The following IMPA2 variants were observed in gnomAD, a reference collection of about 807,000 sequenced individuals.
IMPA2 encodes the protein inositol monophosphatase 2.
IMPA2 carries 32 observed loss-of-function variants against 35.1 expected under a neutral mutation model. The observed-to-expected ratio is 0.91, with a 90% CI of 0.69 to 1.23. IMPA2 has a LOEUF of 1.23. Among genes scored for constraint, IMPA2 ranks in the 50% most tolerant of loss-of-function variants. IMPA2 has a pLI of 0.00. For missense variants in IMPA2, 334 were observed against 387.6 expected (o/e 0.86, Z 1.16); for synonymous variants, 135 against 160.6 (o/e 0.84, Z 1.20).
chr18:12,007,620 T>C (rs1048504719), intron 2 of IMPA2, among the ~76,000 whole-genome samples: 4 of 112,506 alleles, frequency 3.6e-5, no homozygotes, highest in African/African-American at 1.5e-4. Flanking sequence ...CTTTCTTTCT[T>C]TTTCTTTCTT....
intron 1 of IMPA2, among the ~76,000 whole-genome samples, chr18:11,985,145 CTCAAAAAAA>C (rs1225710914): frequency 1.3e-5 from 1 of 80,000 alleles, no homozygotes; most frequent in Non-Finnish European, 2.0e-5. Flanking sequence ...GAAACTCTGT[CTCAAAAAAA>C]AAAAAAAAAA....
In IMPA2 at chr18:11,984,524, A is replaced by G. The variant is rs150746486; in HGVS notation, c.96+2759A>G. Among the ~76,000 whole-genome samples the G allele has an allele frequency of 1.8e-3, 274 of 152,324 alleles. 1 individual carries two copies. Among genetic ancestry groups the G allele is most frequent in the African/African-American group, 5.6e-3 (233 of 41,566 alleles). Reference sequence around the variant, plus strand: ...TTCTGTTGGGCCAGAAACTTAGACAATTTAGGGGGCCCTCTTTAAGAAAAT... The same window carrying G: ...TTCTGTTGGGCCAGAAACTTAGACAGTTTAGGGGGCCCTCTTTAAGAAAAT... On this transcript the variant is annotated intron_variant, in intron 1 of 7. Transcript: ENST00000269159.
intron 5 of IMPA2, among the ~76,000 whole-genome samples, chr18:12,024,054 C>T (rs1907808534): frequency 6.6e-6 from 1 of 152,064 alleles, no homozygotes; most frequent in African/African-American, 2.4e-5. Flanking sequence ...GTTTATGAAG[C>T]ATTGTTTACA....
intron 1 of IMPA2, among the ~76,000 whole-genome samples, chr18:11,986,764 A>G (rs1906678383): frequency 6.6e-6 from 1 of 152,196 alleles, no homozygotes; most frequent in South Asian, 2.1e-4. Flanking sequence ...AGTTACACCC[A>G]TTTCTAAGTA....
intron 1 of IMPA2, among the ~76,000 whole-genome samples, chr18:11,995,203 G>A (rs1906926488): frequency 6.6e-6 from 1 of 152,222 alleles, no homozygotes; most frequent in South Asian, 2.1e-4. Context: ...AAGTCATCCA[G>A]GGATCCAGCT....
At chr18:12,015,553 T>C (rs988065907) in intron 5 of IMPA2, among the ~76,000 whole-genome samples, 2 of 151,806 alleles carry the variant, frequency 1.3e-5, no homozygotes, top group Non-Finnish European at 2.9e-5. Context: ...AAGGGCAAGA[T>C]TGTGCAAAGG....
intron 7 of IMPA2, 27 bp downstream of exon 7, chr18:12,029,020 G>C: frequency 6.2e-7 from 1 of 1,606,810 alleles, no homozygotes; most frequent in East Asian, 2.2e-5. Context: ...CTGAAATGCA[G>C]CGGCAGAAAC....
chr18:11,986,800 G>A (rs1367027347), intron 1 of IMPA2, among the ~76,000 whole-genome samples: 2 of 152,152 alleles, frequency 1.3e-5, no homozygotes, highest in African/African-American at 4.8e-5. Context: ...GCTTTCTTGA[G>A]TTGTTCATTG....
At chr18:12,020,205 TTG>T (rs1247740855) in intron 5 of IMPA2, among the ~76,000 whole-genome samples, 1 of 152,156 alleles carries the variant, frequency 6.6e-6, no homozygotes, top group East Asian at 1.9e-4. Context: ...GATTGATTGA[TTG>T]ATTGAAATGG....
intron 5 of IMPA2, among the ~76,000 whole-genome samples, chr18:12,020,583 T>G (rs1403515143): frequency 1.3e-5 from 2 of 152,214 alleles, no homozygotes; most frequent in Non-Finnish European, 2.9e-5. Context: ...TTTTGTCTTC[T>G]GGGACTTGAA....
chr18:12,018,881 A>G (rs969266363), intron 5 of IMPA2, among the ~76,000 whole-genome samples: 1 of 152,062 alleles, frequency 6.6e-6, no homozygotes, highest in African/African-American at 2.4e-5. Context: ...CTGGAGTGCA[A>G]TGGTGTGATC....
chr18:11,988,712 G>A (rs1906731443), intron 1 of IMPA2, among the ~76,000 whole-genome samples: 1 of 152,224 alleles, frequency 6.6e-6, no homozygotes, highest in African/African-American at 2.4e-5. Flanking sequence ...GTTTAGGCCT[G>A]AAAAGCTGGT....
At chr18:12,003,465 A>G (rs9956089) in intron 2 of IMPA2, among the ~76,000 whole-genome samples, 64,399 of 151,844 alleles carry the variant, frequency 0.42, 15,959 homozygotes, top group African/African-American at 0.67. Context: ...GGCCAATATG[A>G]TGAAACCCCG....
chr18:12,013,876 A>T (rs961619842), intron 4 of IMPA2, among the ~76,000 whole-genome samples: 1 of 152,144 alleles, frequency 6.6e-6, no homozygotes, highest in Non-Finnish European at 1.5e-5. Flanking sequence ...CACATCAGCA[A>T]TTTTGAGGAT....
intron 2 of IMPA2, among the ~76,000 whole-genome samples, chr18:12,009,238 T>G (rs1907364034): frequency 6.6e-6 from 1 of 151,970 alleles, no homozygotes; most frequent in African/African-American, 2.4e-5. Flanking sequence ...ATGATACCAC[T>G]GCACTCCAGC....
In IMPA2 at chr18:12,010,325, A is replaced by C. The variant is rs1907397804; in HGVS notation, c.335+338A>C. On this transcript the variant is annotated intron_variant, in intron 3 of 7. Coordinates refer to ENST00000269159, the MANE Select transcript of IMPA2 (RefSeq NM_014214.3). This position sits in a 1 kb window ranked among gnomAD's most constrained non-coding sequence, Gnocchi z 4.8. ...GAGAAAAAGGTGAGGTTGGGATACA[A>C]AGCCTGTGCTGCCCCACAGTGGCCC... The C allele has an allele frequency of 8.6e-6, 2 of 233,066 alleles. No homozygotes were observed. The highest frequency in any genetic ancestry group is 2.3e-5 in the African/African-American group (1 of 43,252). 14.4% of individuals were successfully genotyped at this position (233,066 alleles called of 1,614,324 possible). A position where few individuals can be genotyped will look rare whatever the true frequency, so the allele number is the denominator to read the frequency against.
intron 1 of IMPA2, among the ~76,000 whole-genome samples, chr18:11,992,325 C>T (rs1354673840): frequency 6.6e-6 from 1 of 152,224 alleles, no homozygotes; most frequent in Non-Finnish European, 1.5e-5. Context: ...AAAGACACAT[C>T]TCCTATTGAA....
intron 1 of IMPA2, among the ~76,000 whole-genome samples, chr18:11,992,725 C>A (rs1261607693): frequency 6.6e-6 from 1 of 152,104 alleles, no homozygotes; most frequent in African/African-American, 2.4e-5. Flanking sequence ...TAACTCATTG[C>A]TGGTGGAGTG....
chr18:12,017,193 GACAT>G (rs1907601890), intron 5 of IMPA2, among the ~76,000 whole-genome samples: 2 of 152,174 alleles, frequency 1.3e-5, no homozygotes, highest in Admixed American at 6.5e-5. Flanking sequence ...GCAAATTTCA[GACAT>G]ACACAAAGTA....
Sources: gnomAD v4.1 joint callset for allele counts (sites outside exome capture counted in the v4.1 genomes callset) on GRCh38, gnomAD v4.1.1 for gene constraint, Gnocchi (gnomAD v3.1) non-coding constraint, MANE v1.5 for transcripts, NCBI Gene and HGNC (gene_info 2026-07-23, HGNC 2026-07-21) for gene names.